The following CRELD2 variants were observed in gnomAD, a reference collection of about 807,000 sequenced individuals.
The protein encoded by CRELD2 is protein disulfide isomerase CRELD2.
In CRELD2, 33 loss-of-function variants were observed where a neutral mutation model predicts 48.1. The observed-to-expected ratio is 0.69, with a 90% CI of 0.52 to 0.92. The LOEUF (loss-of-function observed/expected upper bound fraction) is 0.92, where lower values mean the gene tolerates loss of function less well. Ranked by LOEUF, CRELD2 falls within the 40% of genes least tolerant of loss-of-function variation. CRELD2 has a pLI of 0.00. For synonymous variants in CRELD2, 220 were observed against 203.9 expected, an observed-to-expected ratio of 1.08 and a Z score of -0.67; for missense variants, 477 against 482.4, an observed-to-expected ratio of 0.99 and a Z score of 0.10.
chr22:49,919,748 G>C lies in CRELD2; in HGVS notation c.231G>C (p.Glu77Asp). ...GTTTCAGCGAGATTCGCCTGCTGGA[G>C]ATCCTGGAGGGGCTGTGCGAGAGCA... is the stretch of plus-strand genomic sequence containing the variant. ...KYESSEIRLL[E>D]ILEGLCESSD... The change falls in exon 3 of 10, where the codon GAG (glutamate) becomes GAC (aspartate). Residue 77 changes from glutamate to aspartate, a missense_variant. Glu to Asp is a conservative substitution (Grantham distance 45). Transcript: ENST00000328268. 6.2e-7 allele frequency: 1 copy of C among 1,610,162 alleles called. No homozygotes were observed. Among genetic ancestry groups the C allele is most frequent in the Non-Finnish European group, 8.5e-7 (1 of 1,178,640 alleles).
At position 49,918,692 on chromosome 22, in the gene CRELD2, G is replaced by C. The variant is rs2060638980; in HGVS notation, c.-78G>C. The C allele has an allele frequency of 2.0e-6, 1 of 508,440 alleles. No homozygotes were observed. The highest frequency in any genetic ancestry group is 3.0e-6 in the Non-Finnish European group (1 of 334,148). The allele number at this position is 508,440 out of a possible 1,614,324, so 31.5% of individuals were successfully genotyped here. On this transcript the variant is annotated 5_prime_UTR_variant, in exon 1 of 10. Coordinates refer to ENST00000328268, the MANE Select transcript of CRELD2 (RefSeq NM_024324.5). ...GACAGGCCGGCGCGGCTGGGAGCGG[G>C]TGGGCGGCCGGGAGGCCGGAGCAGC... is the stretch of plus-strand genomic sequence containing the variant.
intron 1 of CRELD2, 138 bp from the exon 2 acceptor site, chr22:49,919,092 A>G: frequency 3.1e-6 from 3 of 958,520 alleles, no homozygotes; most frequent in Non-Finnish European, 4.9e-6. Flanking sequence ...CTCACCCTTG[A>G]CCCGGATCCA....
chr22:49,919,240 A>C lies in CRELD2; in HGVS notation c.140A>C (p.Asp47Ala). The C allele has an allele frequency of 6.2e-7, 1 of 1,613,704 alleles. No individual in the cohort carries two copies. The highest frequency in any genetic ancestry group is 8.5e-7 in the Non-Finnish European group (1 of 1,179,990). ...LVDKFNQGMV[D>A]TAKKNFGGGN... ...ACTGTCTCCTCGCAGGGGATGGTGG[A>C]CACCGCAAAGAAGAACTTTGGCGGC... is the stretch of plus-strand genomic sequence containing the variant. Residue 47 changes from aspartate (D) to alanine (A), a missense_variant, in exon 2 of 10, where the codon GAC becomes GCC. By Grantham distance (126) the Asp-to-Ala change is moderately radical. Transcript: ENST00000328268.
In CRELD2 at chr22:49,927,139, G is replaced by C. The variant is rs1000177265; in HGVS notation, c.1010-116G>C. 8.6e-5 allele frequency: 79 copies of C among 915,712 alleles called. 1 individual carries two copies. The East Asian group carries it at 1.4e-3, about 16-fold the overall frequency. 56.7% of individuals were successfully genotyped at this position (915,712 alleles called of 1,614,324 possible). A position where few individuals can be genotyped will look rare whatever the true frequency, so the allele number is the denominator to read the frequency against. On this transcript the variant is annotated intron_variant, in intron 9 of 9. Coordinates refer to ENST00000328268, the MANE Select transcript of CRELD2 (RefSeq NM_024324.5). ...CTGCCCTTGGATGGCTGCGTCCGGGGCTTTGAGCCAGGACTGGACGGGCAG... is the reference window on the plus strand; with the variant it reads ...CTGCCCTTGGATGGCTGCGTCCGGGCCTTTGAGCCAGGACTGGACGGGCAG...
rs1393570416 is a variant in CRELD2, at chr22:49,927,505, A to G, written c.*198A>G. On this transcript the variant is annotated 3_prime_UTR_variant, in exon 10 of 10. Coordinates refer to ENST00000328268, the MANE Select transcript of CRELD2 (RefSeq NM_024324.5). ...TGTATATTTTGATACAGTTCTTTGT[A>G]ATAAAATTGACCATTGTAGGTAATC... is the stretch of plus-strand genomic sequence containing the variant. 3.4e-6 allele frequency: 2 copies of G among 587,946 alleles called. No individual in the cohort carries two copies. Among genetic ancestry groups the G allele is most frequent in the Non-Finnish European group, 6.1e-6 (2 of 325,670 alleles). 36.4% of individuals were successfully genotyped at this position (587,946 alleles called of 1,614,324 possible). A position where few individuals can be genotyped will look rare whatever the true frequency, so the allele number is the denominator to read the frequency against.
intron 4 of CRELD2, 152 bp downstream of exon 4, chr22:49,920,399 A>G (rs1431815417): frequency 1.6e-6 from 1 of 607,534 alleles, no homozygotes; most frequent in Non-Finnish European, 2.9e-6. Flanking sequence ...CCCCATCCCC[A>G]ACACAGCTTG....
In CRELD2 at chr22:49,923,287, A is replaced by G. The variant is rs748258570; in HGVS notation, c.742A>G (p.Lys248Glu). 83 of 1,611,318 alleles carry G rather than the reference A, an allele frequency of 5.2e-5. No individual in the cohort carries two copies. The highest frequency in any genetic ancestry group is 1.7e-4 in the Middle Eastern group (1 of 6,050). Residue 248 changes from lysine (K) to glutamate (E), a missense_variant, in exon 7 of 10, where the codon AAG becomes GAG. Coordinates refer to ENST00000328268, the MANE Select transcript of CRELD2 (RefSeq NM_024324.5). ...PPPCSAAQFC[K>E]NANGSYTCEE... The stretch of plus-strand genomic sequence containing the variant: ...TCCCTGCAGCGCTGCGCAGTTCTGT[A>G]AGAACGCCAACGGCTCCTACACGTG...
chr22:49,925,402 G>C lies in CRELD2; in HGVS notation c.869-15G>C. The C allele has an allele frequency of 6.6e-7, 1 of 1,522,832 alleles. No individual in the cohort carries two copies. Among genetic ancestry groups the C allele is most frequent in the South Asian group, 1.2e-5 (1 of 86,714 alleles). The allele number at this position is 1,522,832 out of a possible 1,614,324, so 94.3% of individuals were successfully genotyped here. A position where few individuals can be genotyped will look rare whatever the true frequency, so the allele number is the denominator to read the frequency against. On this transcript the variant is annotated splice_polypyrimidine_tract_variant and intron_variant, in intron 8 of 9. Transcript: ENST00000328268. Reference sequence around the variant, plus strand: ...TGAGCAAAGTAATTATTAAAACGGAGTCTTTTCATTTTAGATGTGGACGAG... The same window carrying C: ...TGAGCAAAGTAATTATTAAAACGGACTCTTTTCATTTTAGATGTGGACGAG...
intron 6 of CRELD2, among the ~76,000 whole-genome samples, 167 bp downstream of exon 6, chr22:49,922,874 G>A (rs1337803826): frequency 5.4e-5 from 4 of 73,480 alleles, no homozygotes; most frequent in Non-Finnish European, 1.0e-4. Flanking sequence ...GGGTGTGGGG[G>A]GCGTGAGGTG....
intron 1 of CRELD2, 83 bp from the exon 2 acceptor site, chr22:49,919,147 C>T: frequency 7.4e-7 from 1 of 1,352,760 alleles, no homozygotes; most frequent in Non-Finnish European, 1.0e-6. Context: ...GGCCTGGAGT[C>T]CCCTCACCCT....
intron 1 of CRELD2, 95 bp from the exon 2 acceptor site, chr22:49,919,135 T>G: frequency 3.1e-6 from 4 of 1,300,392 alleles, no homozygotes; most frequent in Non-Finnish European, 4.4e-6. Flanking sequence ...GACGCCACCG[T>G]GGGCCTGGAG....
At chr22:49,925,130 CAAAAA>C (rs375087898) in intron 8 of CRELD2, 50 of 146,502 alleles carry the variant, frequency 3.4e-4, no homozygotes, top group South Asian at 9.0e-4. Context: ...GACTCCGCCT[CAAAAA>C]AAAAAAAAAA....
chr22:49,924,227 G>A (rs142854078), intron 7 of CRELD2, 133 bp from the exon 8 acceptor site: 297 of 618,264 alleles, frequency 4.8e-4, no homozygotes, highest in East Asian at 2.6e-3. Flanking sequence ...GAGACAGATC[G>A]TTATAAAGTC....
chr22:49,918,988 G>T (rs1415069680), intron 1 of CRELD2, 90 bp downstream of exon 1: 2 of 1,117,938 alleles, frequency 1.8e-6, no homozygotes, highest in Admixed American at 3.3e-5. Context: ...GCCCAGGGTC[G>T]CCCTCACCCT....
In CRELD2 at chr22:49,919,730, C is replaced by T. The variant is rs764358613; in HGVS notation, c.213C>T (p.Ser71=). 1.1e-5 allele frequency: 17 copies of T among 1,604,336 alleles called. No individual in the cohort carries two copies. The highest frequency in any genetic ancestry group is 5.4e-5 in the African/African-American group (4 of 74,370). ...GGGCCGGTGTGGGCCTGTGTTTCAGCGAGATTCGCCTGCTGGAGATCCTGG... is the reference window on the plus strand; with the variant it reads ...GGGCCGGTGTGGGCCTGTGTTTCAGTGAGATTCGCCTGCTGGAGATCCTGG... The part of the protein sequence containing the change: ...EEKTLSKYES[S]EIRLLEILEG... The change falls in exon 3 of 10, where the codon AGC becomes AGT. Residue 71 remains serine (S), a splice_region_variant and synonymous_variant. Coordinates refer to ENST00000328268, the MANE Select transcript of CRELD2 (RefSeq NM_024324.5).
rs907192357 is a variant in CRELD2, at chr22:49,921,299, T to C, written c.416-286T>C. ...GAGCCGCTCAGCTTTAGTATCATCTTAGGGGACAGCTGTGCTATGCAGGGT... is the reference window on the plus strand; with the variant it reads ...GAGCCGCTCAGCTTTAGTATCATCTCAGGGGACAGCTGTGCTATGCAGGGT... On this transcript the variant is annotated intron_variant, in intron 4 of 9. Coordinates refer to ENST00000328268, the MANE Select transcript of CRELD2 (RefSeq NM_024324.5). The C allele has an allele frequency of 9.3e-5, 41 of 443,206 alleles. 1 individual carries two copies. Among genetic ancestry groups the C allele is most frequent in the South Asian group, 8.3e-4 (21 of 25,392 alleles). The allele number at this position is 443,206 out of a possible 1,614,324, so 27.5% of individuals were successfully genotyped here. A position where few individuals can be genotyped will look rare whatever the true frequency, so the allele number is the denominator to read the frequency against.
chr22:49,919,670 G>A (rs940271256), intron 2 of CRELD2, 60 bp from the exon 3 acceptor site: 11 of 1,351,646 alleles, frequency 8.1e-6, no homozygotes, highest in Middle Eastern at 2.3e-4. Context: ...GTATTGGTTC[G>A]GATTTTTCTT....
intron 2 of CRELD2, 50 bp from the exon 3 acceptor site, chr22:49,919,680 T>C (rs778901290): frequency 2.7e-5 from 38 of 1,430,214 alleles, no homozygotes; most frequent in Non-Finnish European, 3.1e-5. Context: ...GGATTTTTCT[T>C]CACTGCCTTG....
intron 5 of CRELD2, 36 bp from the exon 6 acceptor site, chr22:49,922,576 G>C: frequency 2.7e-6 from 4 of 1,503,644 alleles, no homozygotes; most frequent in Non-Finnish European, 2.7e-6. Context: ...GTACCTGAGA[G>C]TGGGGTTTGT....
Sources: gnomAD v4.1 joint callset for allele counts (sites outside exome capture counted in the v4.1 genomes callset) on GRCh38, gnomAD v4.1.1 for gene constraint, MANE v1.5 for transcripts, NCBI Gene and HGNC (gene_info 2026-07-23, HGNC 2026-07-21) for gene names.